Variants in CYRIA observed in about 807,000 individuals in gnomAD.
The protein encoded by CYRIA is CYFIP related Rac1 interactor A.
Under a neutral mutation model 43.9 loss-of-function variants are expected in CYRIA, and 15 were observed. That is an observed-to-expected ratio of 0.34 (90% confidence interval 0.23 to 0.53). The LOEUF (loss-of-function observed/expected upper bound fraction) is 0.53, where lower values mean the gene tolerates loss of function less well. CYRIA is among the 20% of genes least tolerant of loss of function. The pLI, the probability that CYRIA is intolerant of heterozygous loss-of-function variation, is 0.94. For synonymous variants in CYRIA, 117 were observed against 136.0 expected (o/e 0.86, Z 0.97); for missense variants, 236 against 394.2 (o/e 0.60, Z 3.40).
intron 2 of CYRIA, among the ~76,000 whole-genome samples, chr2:16,614,276 T>A (rs1668703115): frequency 6.6e-6 from 1 of 152,202 alleles, no homozygotes; most frequent in African/African-American, 2.4e-5. Context: ...ATGGAGGATG[T>A]CCCTGCAGGA....
At position 16,630,543 on chromosome 2, in the gene CYRIA, C is replaced by T. The variant is rs1478634934; in HGVS notation, c.-166-6524G>A. 5.3e-5 allele frequency among the ~76,000 whole-genome samples: 8 copies of T among 152,256 alleles called. No individual in the cohort carries two copies. In the East Asian group the frequency reaches 1.4e-3, roughly 26 times the overall value. On this transcript the variant is annotated intron_variant, in intron 1 of 11. Transcript: ENST00000381323. ...AAGGTGAGTGCACCCATGTTCAGGG[C>T]AGGAAAACACCTGCCAAACTGGCTG... is the stretch of plus-strand genomic sequence containing the variant.
chr2:16,577,999 C>T (rs1455009977), intron 3 of CYRIA, among the ~76,000 whole-genome samples: 1 of 152,174 alleles, frequency 6.6e-6, no homozygotes, highest in African/African-American at 2.4e-5. Flanking sequence ...AGCCACTCTC[C>T]AGTAAGTAAA....
chr2:16,564,147 T>C, intron 4 of CYRIA, 53 bp from the exon 5 acceptor site: 1 of 1,371,748 alleles, frequency 7.3e-7, no homozygotes, highest in Admixed American at 1.8e-5. Context: ...AAGCTCCACA[T>C]CAAAATGCCC....
intron 3 of CYRIA, among the ~76,000 whole-genome samples, chr2:16,587,332 T>C (rs1031230674): frequency 6.6e-6 from 1 of 152,138 alleles, no homozygotes; most frequent in African/African-American, 2.4e-5. Context: ...TTAGGAAAAA[T>C]ACATGATGGT....
At position 16,559,566 on chromosome 2, in the gene CYRIA, G is replaced by A. The variant is rs756679332; in HGVS notation, c.731C>T (p.Thr244Met). 14 of 1,612,686 alleles carry A rather than the reference G, an allele frequency of 8.7e-6. No homozygotes were observed. The highest frequency in any genetic ancestry group is 2.2e-5 in the East Asian group (1 of 44,832). ...LETPEYRSRF[T>M]SEETLMFCMR... ...GCAGAACATCAGGGTCTCTTCACTCGTAAACCTACTTCTGTACTCCCTGCA... is the reference window on the plus strand; with the variant it reads ...GCAGAACATCAGGGTCTCTTCACTCATAAACCTACTTCTGTACTCCCTGCA... Residue 244 changes from threonine to methionine, a missense_variant, in exon 10 of 12, where the codon ACG (threonine) becomes ATG (methionine). Coordinates refer to ENST00000381323, the MANE Select transcript of CYRIA (RefSeq NM_030797.4).
intron 2 of CYRIA, among the ~76,000 whole-genome samples, chr2:16,608,550 T>A (rs1055499356): frequency 2.6e-5 from 4 of 152,214 alleles, no homozygotes; most frequent in Admixed American, 6.5e-5. Context: ...AGGGAATCAT[T>A]TCATGGAAAC....
At chr2:16,601,036 A>G (rs533774526) in intron 2 of CYRIA, among the ~76,000 whole-genome samples, 1 of 152,242 alleles carries the variant, frequency 6.6e-6, no homozygotes, top group East Asian at 1.9e-4. Flanking sequence ...AGCTGAAGGT[A>G]TGTGTAGGGT....
intron 2 of CYRIA, among the ~76,000 whole-genome samples, chr2:16,610,620 T>C (rs1668557360): frequency 6.6e-6 from 1 of 152,048 alleles, no homozygotes. Flanking sequence ...GTACAGATGA[T>C]AAAGTTGAGA....
intron 2 of CYRIA, among the ~76,000 whole-genome samples, chr2:16,611,642 C>T (rs934122308): frequency 3.3e-5 from 5 of 151,954 alleles, no homozygotes; most frequent in African/African-American, 4.8e-5. Context: ...GGCTGTAGCT[C>T]GAGGTGGAGG....
intron 1 of CYRIA, among the ~76,000 whole-genome samples, chr2:16,634,568 C>T (rs747619244): frequency 3.4e-4 from 52 of 152,206 alleles, no homozygotes; most frequent in Admixed American, 2.6e-4. Context: ...AGGGGGATAA[C>T]TCCACTCTAA....
At chr2:16,603,818 C>T (rs1668287873) in intron 2 of CYRIA, among the ~76,000 whole-genome samples, 1 of 152,190 alleles carries the variant, frequency 6.6e-6, no homozygotes, top group African/African-American at 2.4e-5. Context: ...CTAGTGGTTC[C>T]CAAGCCCTCC....
chr2:16,592,554 T>C (rs534566673), intron 2 of CYRIA, among the ~76,000 whole-genome samples: 1 of 152,274 alleles, frequency 6.6e-6, no homozygotes, highest in South Asian at 2.1e-4. Context: ...GGCATCTGGG[T>C]CACTGGTCCT....
At chr2:16,567,720 A>C (rs752659085) in intron 3 of CYRIA, among the ~76,000 whole-genome samples, 1 of 152,326 alleles carries the variant, frequency 6.6e-6, no homozygotes, top group East Asian at 1.9e-4. Context: ...AGAAAAGATC[A>C]TAGGTCCTCA....
intron 7 of CYRIA, 34 bp downstream of exon 7, chr2:16,561,422 A>G (rs377546594): frequency 1.3e-6 from 2 of 1,589,188 alleles, no homozygotes; most frequent in Non-Finnish European, 1.7e-6. Flanking sequence ...GTCATGGAGA[A>G]GGGTGCAAAG....
intron 2 of CYRIA, among the ~76,000 whole-genome samples, chr2:16,623,583 C>T (rs973788510): frequency 6.6e-6 from 1 of 152,172 alleles, no homozygotes; most frequent in Non-Finnish European, 1.5e-5. Flanking sequence ...GAAAGGAACA[C>T]TAAATGATTC....
chr2:16,607,755 C>T (rs1042943312), intron 2 of CYRIA, among the ~76,000 whole-genome samples: 1 of 152,142 alleles, frequency 6.6e-6, no homozygotes, highest in Non-Finnish European at 1.5e-5. Flanking sequence ...TGCCACCACA[C>T]CTGGCTAATT....
At chr2:16,573,075 C>T (rs1204674190) in intron 3 of CYRIA, among the ~76,000 whole-genome samples, 2 of 152,208 alleles carry the variant, frequency 1.3e-5, no homozygotes, top group African/African-American at 4.8e-5. Context: ...CCCACTACTG[C>T]CGTTTCTGCC....
In CYRIA at chr2:16,559,442, T is replaced by C. The variant is rs905359411; in HGVS notation, c.837+18A>G. ...CATGGGCCCTTATTTGGAAAGCACATTTCACAACTATTCTTACATCGATCT... is the reference window on the plus strand; with the variant it reads ...CATGGGCCCTTATTTGGAAAGCACACTTCACAACTATTCTTACATCGATCT... On this transcript the variant is annotated intron_variant, in intron 10 of 11. Coordinates refer to ENST00000381323, the MANE Select transcript of CYRIA (RefSeq NM_030797.4). 10 of 1,609,638 alleles carry C rather than the reference T, an allele frequency of 6.2e-6. No individual in the cohort carries two copies. Among genetic ancestry groups the C allele is most frequent in the Non-Finnish European group, 6.8e-6 (8 of 1,178,424 alleles).
At chr2:16,555,483 A>G (rs572941795) in intron 10 of CYRIA, among the ~76,000 whole-genome samples, 1 of 152,166 alleles carries the variant, frequency 6.6e-6, no homozygotes, top group South Asian at 2.1e-4. Context: ...TTCCATGTCT[A>G]TGTCTATGTT....
Sources: allele counts gnomAD v4.1 joint callset (sites outside exome capture counted in the v4.1 genomes callset), GRCh38; gene constraint gnomAD v4.1.1; transcripts MANE v1.5; gene names NCBI Gene and HGNC (gene_info 2026-07-23, HGNC 2026-07-21).